The following RNF170 variants were observed in gnomAD, a reference collection of about 807,000 sequenced individuals.
RNF170 encodes the protein ring finger protein 170.
In RNF170, 12 loss-of-function variants were observed where a neutral mutation model predicts 32.7. The observed-to-expected ratio is 0.37, with a 90% CI of 0.24 to 0.60. The LOEUF (loss-of-function observed/expected upper bound fraction) is 0.60, where lower values mean the gene tolerates loss of function less well. Ranked by LOEUF, RNF170 falls within the 20% of genes least tolerant of loss-of-function variation. The pLI, the probability that RNF170 is intolerant of heterozygous loss-of-function variation, is 0.72. For missense variants in RNF170, 212 were observed against 311.2 expected (o/e 0.68, Z 2.40); for synonymous variants, 91 against 103.6 (o/e 0.88, Z 0.74).
At chr8:42,851,003 C>G, downstream of RNF170, 1 of 1,551,078 alleles carries the variant, frequency 6.4e-7, no homozygotes, top group South Asian at 1.2e-5. Context: ...GAACCCTACA[C>G]ACGGTAGTCA....
chr8:42,887,671 G>T, intron 2 of RNF170, 57 bp downstream of exon 2: 1 of 1,516,170 alleles, frequency 6.6e-7, no homozygotes, highest in Non-Finnish European at 9.2e-7. Context: ...ATTATTAGGG[G>T]TCAAAAAGTC....
At chr8:42,887,332 C>A (rs141277052) in intron 2 of RNF170, among the ~76,000 whole-genome samples, 81 of 152,116 alleles carry the variant, frequency 5.3e-4, no homozygotes, top group Middle Eastern at 6.8e-3. Flanking sequence ...AAAATTAATT[C>A]TAATATTAGT....
At position 42,853,629 on chromosome 8, in the gene RNF170, T is replaced by C. The variant is rs1563650809; in HGVS notation, c.*2530A>G. 1.6e-6 allele frequency: 2 copies of C among 1,283,780 alleles called. No individual in the cohort carries two copies. The highest frequency in any genetic ancestry group is 5.6e-5 in the East Asian group (1 of 17,980). The allele number at this position is 1,283,780 out of a possible 1,614,324, so 79.5% of individuals were successfully genotyped here. ...TATTGTTGTTTAAAAAAAATCCAAA[T>C]TGTTACTTTGATTTATATGATCTAA... On this transcript the variant is annotated 3_prime_UTR_variant, in exon 7 of 7. Coordinates refer to ENST00000527424, the MANE Select transcript of RNF170 (RefSeq NM_030954.4).
At chr8:42,897,179 C>T (rs749452734), upstream of RNF170, 9 of 1,247,898 alleles carry the variant, frequency 7.2e-6, no homozygotes, top group East Asian at 6.3e-5. Flanking sequence ...GCGAGAGCCT[C>T]CTCACTTGGG....
At chr8:42,896,995 TG>T, upstream of RNF170, 1 of 530,866 alleles carries the variant, frequency 1.9e-6, no homozygotes, top group Non-Finnish European at 2.9e-6. Flanking sequence ...CTGCCAGCGC[TG>T]GGCGAGAGTC....
At chr8:42,880,987 CTA>C (rs1470758563) in intron 2 of RNF170, among the ~76,000 whole-genome samples, 1 of 152,072 alleles carries the variant, frequency 6.6e-6, no homozygotes, top group African/African-American at 2.4e-5. Context: ...CACACATAGA[CTA>C]TGATATAATG....
Position 42,896,469 on chromosome 8 carries a change from G to T in RNF170, c.-8+15C>A, listed in dbSNP as rs776708384. ...CCCCGATAGGGTGGGCGTGGCCGCC[G>T]CGCGCCGGACGTACCTCTCCACCGC... On this transcript the variant is annotated intron_variant, in intron 1 of 6. Coordinates refer to ENST00000527424, the MANE Select transcript of RNF170 (RefSeq NM_030954.4). The T allele has an allele frequency of 1.5e-5, 7 of 453,800 alleles. No individual in the cohort carries two copies. The highest frequency in any genetic ancestry group is 9.3e-5 in the South Asian group (6 of 64,446). 28.1% of individuals were successfully genotyped at this position (453,800 alleles called of 1,614,324 possible).
intron 6 of RNF170, among the ~76,000 whole-genome samples, chr8:42,859,847 G>A (rs1803526086): frequency 6.6e-6 from 1 of 152,042 alleles, no homozygotes; most frequent in South Asian, 2.1e-4. Context: ...ACAAAGTCTT[G>A]CTAAGTTGCC....
At chr8:42,861,877 A>G (rs749502844) in intron 5 of RNF170, 22 bp from the exon 6 acceptor site, 5 of 1,586,866 alleles carry the variant, frequency 3.2e-6, no homozygotes, top group Non-Finnish European at 4.3e-6. Context: ...AGAAAAAAAA[A>G]TTATTTCAAC....
At chr8:42,876,659 T>A (rs944008496) in intron 2 of RNF170, among the ~76,000 whole-genome samples, 1 of 132,824 alleles carries the variant, frequency 7.5e-6, no homozygotes, top group African/African-American at 3.2e-5. Context: ...TTTTGTGGGT[T>A]TTTTTTTTTT....
downstream of RNF170, chr8:42,849,943 A>G (rs1030718470): frequency 6.6e-6 from 1 of 152,306 alleles, no homozygotes; most frequent in Non-Finnish European, 1.5e-5. Context: ...ACCACAGAGT[A>G]TGTTAGCCGG....
intron 1 of RNF170, among the ~76,000 whole-genome samples, chr8:42,893,964 C>T (rs1172930760): frequency 6.6e-6 from 1 of 152,078 alleles, no homozygotes; most frequent in Non-Finnish European, 1.5e-5. Context: ...TCTCCTCAGG[C>T]ATTTCCAAAG....
downstream of RNF170, among the ~76,000 whole-genome samples, chr8:42,851,606 G>T (rs1802945714): frequency 6.6e-6 from 1 of 151,718 alleles, no homozygotes; most frequent in Non-Finnish European, 1.5e-5. Context: ...AACAAGAGAA[G>T]GATTCAGATA....
At chr8:42,863,980 A>AGAGTGTGTGTGTGT (rs149654513) in intron 5 of RNF170, among the ~76,000 whole-genome samples, 30 of 139,582 alleles carry the variant, frequency 2.1e-4, no homozygotes, top group African/African-American at 6.5e-4. Flanking sequence ...AGAGAGAGAG[A>AGAGTGTGTGTGTGT]GTGTGTGTGT....
At chr8:42,895,856 T>C (rs1268344418) in intron 1 of RNF170, among the ~76,000 whole-genome samples, 2 of 152,170 alleles carry the variant, frequency 1.3e-5, no homozygotes, top group African/African-American at 4.8e-5. Flanking sequence ...CTAGTCAGGC[T>C]AGGAGACAAT....
rs556787932 is a variant in RNF170 at position 42,885,261 on chromosome 8, G to A, written c.137+2467C>T. On this transcript the variant is annotated intron_variant, in intron 2 of 6. Coordinates refer to ENST00000527424, the MANE Select transcript of RNF170 (RefSeq NM_030954.4). ...TGAAAAGTATTCCATTGTGTATACA[G>A]AGAGATCTATATACTCACACCACAT... is the stretch of plus-strand genomic sequence containing the variant. Among the ~76,000 whole-genome samples, 13 of 152,190 alleles carry A rather than the reference G, an allele frequency of 8.5e-5. No homozygotes were observed. In the South Asian group the frequency reaches 2.7e-3, roughly 32 times the overall value.
Position 42,896,556 on chromosome 8 carries a change from C to CCA in RNF170, c.-82_-81dup. The CCA allele has an allele frequency of 2.2e-6, 1 of 453,898 alleles. No homozygotes were observed. Among genetic ancestry groups the CCA allele is most frequent in the Non-Finnish European group, 4.4e-6 (1 of 226,714 alleles). The allele number at this position is 453,898 out of a possible 1,614,324, so 28.1% of individuals were successfully genotyped here. On this transcript the variant is annotated 5_prime_UTR_variant, in exon 1 of 7. Coordinates refer to ENST00000527424, the MANE Select transcript of RNF170 (RefSeq NM_030954.4). ...CAGATTATTTCCAGGACCGCTCCCGCCACCCCTCCCGGGCAACCCACTAGA... is the reference window on the plus strand; with the variant it reads ...CAGATTATTTCCAGGACCGCTCCCGCCACACCCCTCCCGGGCAACCCACTAGA...
intron 4 of RNF170, among the ~76,000 whole-genome samples, chr8:42,865,992 A>G (rs533552017): frequency 2.0e-5 from 3 of 152,070 alleles, no homozygotes; most frequent in African/African-American, 7.2e-5. Flanking sequence ...CTCAAAAAAA[A>G]CCTCCAAGTT....
rs1185432102 is a variant in RNF170 at position 42,854,692 on chromosome 8, C to G, written c.*1467G>C. 1 of 1,287,338 alleles carries G rather than the reference C, an allele frequency of 7.8e-7. No homozygotes were observed. The highest frequency in any genetic ancestry group is 1.0e-6 in the Non-Finnish European group (1 of 988,686). The allele number at this position is 1,287,338 out of a possible 1,614,324, so 79.7% of individuals were successfully genotyped here. On this transcript the variant is annotated 3_prime_UTR_variant, in exon 7 of 7. Transcript: ENST00000527424. ...CCCAGTCTGCATATAGTGAAGCTCA[C>G]TAATAAATTAATGGATGATATTAAT...
Sources: allele counts gnomAD v4.1 joint callset (sites outside exome capture counted in the v4.1 genomes callset), GRCh38; gene constraint gnomAD v4.1.1; transcripts MANE v1.5; gene names NCBI Gene and HGNC (gene_info 2026-07-23, HGNC 2026-07-21).